Variants in RASGRF2 observed in about 807,000 individuals in gnomAD.
The protein encoded by RASGRF2 is Ras protein specific guanine nucleotide releasing factor 2.
RASGRF2 carries 76 observed loss-of-function variants against 151.0 expected under a neutral mutation model. The ratio of observed to expected loss-of-function variants is 0.50; its 90% CI spans 0.42 to 0.61. The LOEUF (loss-of-function observed/expected upper bound fraction) is 0.61. RASGRF2 is among the 20% of genes least tolerant of loss of function. RASGRF2 has a pLI of 0.00. For synonymous variants in RASGRF2, 504 were observed against 566.5 expected, an observed-to-expected ratio of 0.89 and a Z score of 1.57; for missense variants, 1,148 against 1,564.6, an observed-to-expected ratio of 0.73 and a Z score of 4.49.
chr5:81,024,346 G>A (rs192250787), intron 1 of RASGRF2, among the ~76,000 whole-genome samples: 22 of 129,288 alleles, frequency 1.7e-4, no homozygotes, highest in South Asian at 5.0e-4. Flanking sequence ...TGCAACCTCC[G>A]TCTCCCAGGT....
In RASGRF2 at chr5:81,019,209, T is replaced by G. The variant is rs150241884; in HGVS notation, c.289-23668T>G. Among the ~76,000 whole-genome samples, 286 of 151,290 alleles carry G rather than the reference T, an allele frequency of 1.9e-3. 1 individual carries two copies. Among genetic ancestry groups the G allele is most frequent in the Non-Finnish European group, 3.0e-3 (205 of 67,754 alleles). ...AATACCCTGGACTTCAGAGGACCACTCAATAGCATTATTCAAATTTCTGGG... is the reference window on the plus strand; with the variant it reads ...AATACCCTGGACTTCAGAGGACCACGCAATAGCATTATTCAAATTTCTGGG... On this transcript the variant is annotated intron_variant, in intron 1 of 26. Transcript: ENST00000265080.
At chr5:81,172,415 C>A (rs1488637124) in intron 17 of RASGRF2, among the ~76,000 whole-genome samples, 1 of 148,196 alleles carries the variant, frequency 6.7e-6, no homozygotes, top group Non-Finnish European at 1.5e-5. Flanking sequence ...AGCTGCTTTC[C>A]CTCGTCTACA....
intron 15 of RASGRF2, among the ~76,000 whole-genome samples, chr5:81,117,488 A>G (rs1442817256): frequency 1.3e-5 from 2 of 151,916 alleles, no homozygotes; most frequent in Non-Finnish European, 2.9e-5. Flanking sequence ...TAGAGGCCTC[A>G]TGATATAATC....
chr5:81,191,895 G>A (rs1040492115), intron 18 of RASGRF2, among the ~76,000 whole-genome samples: 1 of 150,076 alleles, frequency 6.7e-6, no homozygotes, highest in Non-Finnish European at 1.5e-5. Flanking sequence ...TTTCTGGATG[G>A]GTTTTTTCCT....
intron 1 of RASGRF2, among the ~76,000 whole-genome samples, chr5:80,998,554 C>T (rs1251737483): frequency 1.3e-5 from 2 of 152,198 alleles, no homozygotes; most frequent in Non-Finnish European, 2.9e-5. Flanking sequence ...ATTCTCTTTC[C>T]AGTGTGCTCA....
At chr5:81,168,397 G>A (rs536431242) in intron 17 of RASGRF2, among the ~76,000 whole-genome samples, 4 of 135,182 alleles carry the variant, frequency 3.0e-5, no homozygotes, top group East Asian at 2.3e-4. Context: ...CACAACCTCC[G>A]CCTCCTGAAT....
chr5:81,101,805 TTGAA>T (rs1340460065), intron 12 of RASGRF2, among the ~76,000 whole-genome samples: 4 of 152,232 alleles, frequency 2.6e-5, no homozygotes, highest in African/African-American at 9.6e-5. Flanking sequence ...CTCCTGAAAC[TTGAA>T]TGAAAGTGAA....
intron 1 of RASGRF2, among the ~76,000 whole-genome samples, chr5:80,971,803 C>T (rs998673622): frequency 1.4e-4 from 22 of 152,120 alleles, no homozygotes; most frequent in Non-Finnish European, 2.8e-4. Context: ...CGCCTGGGCT[C>T]AAGCAATCTG....
At chr5:81,031,619 A>G (rs1302699873) in intron 1 of RASGRF2, among the ~76,000 whole-genome samples, 1 of 152,244 alleles carries the variant, frequency 6.6e-6, no homozygotes, top group African/African-American at 2.4e-5. Context: ...AAGACACCAC[A>G]TACCCAAATC....
rs114252105 is a variant in RASGRF2, at chr5:81,174,226, G to A, written c.2687-5949G>A. ...TGAAGTCAATGGGAAAGTTAGATTG[G>A]GGAGCAGTTGGAAGAAAAGACACAT... On this transcript the variant is annotated intron_variant, in intron 17 of 26. Coordinates refer to ENST00000265080, the MANE Select transcript of RASGRF2 (RefSeq NM_006909.3). 3.6e-3 allele frequency among the ~76,000 whole-genome samples: 548 copies of A among 152,334 alleles called. 3 individuals carry two copies. The highest frequency in any genetic ancestry group is 0.013 in the African/African-American group (531 of 41,582).
At chr5:81,056,320 A>G (rs1751209527) in intron 2 of RASGRF2, among the ~76,000 whole-genome samples, 1 of 152,098 alleles carries the variant, frequency 6.6e-6, no homozygotes, top group Non-Finnish European at 1.5e-5. Flanking sequence ...AGATTCTTGT[A>G]TGTTGTGTCT....
At chr5:81,183,385 G>T (rs1754960588) in intron 18 of RASGRF2, 1 of 888,706 alleles carries the variant, frequency 1.1e-6, no homozygotes, top group African/African-American at 1.8e-5. Context: ...GCAGAAGTGT[G>T]GGGTTAGGGG....
chr5:81,149,667 C>T (rs1297007532), intron 17 of RASGRF2, among the ~76,000 whole-genome samples: 1 of 152,066 alleles, frequency 6.6e-6, no homozygotes, highest in Non-Finnish European at 1.5e-5. Flanking sequence ...ATGAGTTTCA[C>T]CATCTTCTGA....
intron 2 of RASGRF2, among the ~76,000 whole-genome samples, chr5:81,051,241 A>G (rs963936447): frequency 7.9e-5 from 12 of 152,144 alleles, no homozygotes; most frequent in Admixed American, 1.3e-4. Flanking sequence ...TTTTTTTGAC[A>G]TTAGAGTTTT....
chr5:81,193,121 C>T (rs914271779), intron 18 of RASGRF2, among the ~76,000 whole-genome samples: 1 of 152,196 alleles, frequency 6.6e-6, no homozygotes. Flanking sequence ...AAATTACTCT[C>T]ATAATTCTCT....
chr5:81,112,597 C>A lies in RASGRF2; in HGVS notation c.1839-13C>A. ...TCCTGGTTTTACCATCATGTTCCTG[C>A]CTTTGCACGTAGGTCTGATGCCCGT... is the stretch of plus-strand genomic sequence containing the variant. On this transcript the variant is annotated splice_polypyrimidine_tract_variant and intron_variant, in intron 13 of 26. Coordinates refer to ENST00000265080, the MANE Select transcript of RASGRF2 (RefSeq NM_006909.3). 6.2e-7 allele frequency: 1 copy of A among 1,613,910 alleles called. No homozygotes were observed.
At chr5:81,147,974 G>C (rs920109599) in intron 17 of RASGRF2, among the ~76,000 whole-genome samples, 1 of 152,184 alleles carries the variant, frequency 6.6e-6, no homozygotes, top group Non-Finnish European at 1.5e-5. Flanking sequence ...AAGTGCATAC[G>C]GTCTCAGCAG....
At chr5:81,003,088 G>T (rs1000816187) in intron 1 of RASGRF2, among the ~76,000 whole-genome samples, 1 of 151,964 alleles carries the variant, frequency 6.6e-6, no homozygotes, top group Non-Finnish European at 1.5e-5. Context: ...AGAAAGTCTC[G>T]CTCTGTTGCC....
In RASGRF2 at chr5:81,162,798, G is replaced by T. The variant is rs775834110; in HGVS notation, c.2687-17377G>T. Among the ~76,000 whole-genome samples the T allele has an allele frequency of 2.0e-5, 3 of 152,288 alleles. 1 individual carries two copies. In the South Asian group the frequency reaches 6.2e-4, roughly 32 times the overall value. On this transcript the variant is annotated intron_variant, in intron 17 of 26. Transcript: ENST00000265080. ...TTCCTGAGCACTGGGTGTTTGTCAC[G>T]TGCTATCTATTATCCATTAAAGTTT...
Sources: allele counts gnomAD v4.1 joint callset (sites outside exome capture counted in the v4.1 genomes callset), GRCh38; gene constraint gnomAD v4.1.1; transcripts MANE v1.5; gene names NCBI Gene and HGNC (gene_info 2026-07-23, HGNC 2026-07-21).